Variants in TEAD1 observed in about 807,000 individuals in gnomAD.
The protein encoded by TEAD1 is TEA domain transcription factor 1.
In TEAD1, 9 loss-of-function variants were observed where a neutral mutation model predicts 54.9. The ratio of observed to expected loss-of-function variants is 0.16; its 90% CI spans 0.10 to 0.29. The LOEUF (loss-of-function observed/expected upper bound fraction) is 0.29, where lower values mean the gene tolerates loss of function less well. Ranked by LOEUF, TEAD1 falls within the 10% of genes least tolerant of loss-of-function variation. TEAD1 has a pLI of 1.00. For missense variants in TEAD1, 387 were observed against 535.9 expected, an observed-to-expected ratio of 0.72 and a Z score of 2.74; for synonymous variants, 200 against 187.8, an observed-to-expected ratio of 1.07 and a Z score of -0.53.
chr11:12,828,770 T>A (rs1162235177), intron 3 of TEAD1, among the ~76,000 whole-genome samples: 1 of 146,032 alleles, frequency 6.8e-6, no homozygotes, highest in African/African-American at 2.5e-5. Flanking sequence ...CAGCATGGAG[T>A]CCTTGTTTCT....
intron 2 of TEAD1, among the ~76,000 whole-genome samples, chr11:12,694,010 CTG>C (rs1196366458): frequency 6.6e-6 from 1 of 152,194 alleles, no homozygotes; most frequent in Non-Finnish European, 1.5e-5. Context: ...TTTACTGAAA[CTG>C]TTTATAATTT....
At chr11:12,789,210 G>C (rs1169476778) in intron 3 of TEAD1, among the ~76,000 whole-genome samples, 1 of 152,188 alleles carries the variant, frequency 6.6e-6, no homozygotes, top group African/African-American at 2.4e-5. Context: ...AGTCTCCTCT[G>C]TAAAATGGGG....
chr11:12,894,709 C>T (rs1948273894), intron 9 of TEAD1, among the ~76,000 whole-genome samples: 1 of 152,186 alleles, frequency 6.6e-6, no homozygotes, highest in African/African-American at 2.4e-5. Context: ...CTGAAACTTT[C>T]CCTGTCTTCA....
intron 3 of TEAD1, among the ~76,000 whole-genome samples, chr11:12,799,656 C>A (rs904651821): frequency 2.0e-5 from 3 of 152,190 alleles, no homozygotes; most frequent in Admixed American, 6.5e-5. Flanking sequence ...AAGTAAGTGG[C>A]TTAGAGAGGT....
chr11:12,909,108 GTTC>G (rs1173435379), intron 10 of TEAD1, among the ~76,000 whole-genome samples: 5 of 152,118 alleles, frequency 3.3e-5, no homozygotes, highest in East Asian at 3.9e-4. Flanking sequence ...TGTTATTTGA[GTTC>G]TTCTACATCT....
chr11:12,923,414 C>A (rs1948849055), intron 10 of TEAD1, among the ~76,000 whole-genome samples: 2 of 152,132 alleles, frequency 1.3e-5, no homozygotes, highest in Admixed American at 1.3e-4. Context: ...GTGCTCGTGT[C>A]CCCCCGTACC....
intron 3 of TEAD1, among the ~76,000 whole-genome samples, chr11:12,835,949 G>C (rs969120262): frequency 4.6e-5 from 7 of 152,086 alleles, no homozygotes; most frequent in African/African-American, 1.7e-4. Flanking sequence ...ATAATGTGGC[G>C]TATATTTCAA....
intron 3 of TEAD1, among the ~76,000 whole-genome samples, chr11:12,790,952 G>A (rs991794666): frequency 6.6e-6 from 1 of 152,198 alleles, no homozygotes; most frequent in Non-Finnish European, 1.5e-5. Context: ...CAGCCTGGCA[G>A]TTCCTCAAAA....
At chr11:12,887,190 A>G (rs1451053351) in intron 9 of TEAD1, among the ~76,000 whole-genome samples, 2 of 145,826 alleles carry the variant, frequency 1.4e-5, no homozygotes, top group African/African-American at 5.2e-5. Context: ...TCCGCCTCCC[A>G]GGTTCACTCC....
At chr11:12,780,346 C>T (rs113967138) in intron 3 of TEAD1, among the ~76,000 whole-genome samples, 2,460 of 151,248 alleles carry the variant, frequency 0.016, 73 homozygotes, top group African/African-American at 0.057. Flanking sequence ...CAGGTTCAAG[C>T]GATTCTCCTG....
chr11:12,916,131 A>G (rs1948708050), intron 10 of TEAD1, among the ~76,000 whole-genome samples: 1 of 152,170 alleles, frequency 6.6e-6, no homozygotes, highest in Admixed American at 6.6e-5. Flanking sequence ...AATTCACTCA[A>G]CACACGTGTT....
intron 2 of TEAD1, among the ~76,000 whole-genome samples, chr11:12,690,835 G>A (rs1378224149): frequency 1.3e-5 from 2 of 152,152 alleles, no homozygotes; most frequent in Admixed American, 6.5e-5. Context: ...CCGGCTTGCC[G>A]TAGCCTTGAC....
rs1210314788 is a variant in TEAD1 at position 12,922,417 on chromosome 11, C to T, written c.874-2495C>T. 2 of 49,688 alleles carry T rather than the reference C, an allele frequency of 4.0e-5. 1 individual carries two copies. Among genetic ancestry groups the T allele is most frequent in the African/African-American group, 1.5e-4 (2 of 12,970 alleles). The allele number at this position is 49,688 out of a possible 1,614,324, so 3.1% of individuals were successfully genotyped here. A position where few individuals can be genotyped will look rare whatever the true frequency, so the allele number is the denominator to read the frequency against. On this transcript the variant is annotated intron_variant, in intron 10 of 12. Coordinates refer to ENST00000527636, the MANE Select transcript of TEAD1 (RefSeq NM_021961.6). Reference sequence around the variant, plus strand: ...TTCACCGTTTTAGCCGGGATGGTCTCGATCTCCTGACCTTGTGATCCGCCC... The same window carrying T: ...TTCACCGTTTTAGCCGGGATGGTCTTGATCTCCTGACCTTGTGATCCGCCC...
intron 10 of TEAD1, among the ~76,000 whole-genome samples, chr11:12,904,502 C>G (rs1948483225): frequency 6.6e-6 from 1 of 152,156 alleles, no homozygotes. Flanking sequence ...TGGTTTCAGA[C>G]TCCATATTCC....
chr11:12,913,583 CAG>C (rs1948656306), intron 10 of TEAD1, among the ~76,000 whole-genome samples: 1 of 151,796 alleles, frequency 6.6e-6, no homozygotes, highest in African/African-American at 2.4e-5. Context: ...GGGTAAGTCT[CAG>C]TTTTTATTCT....
chr11:12,731,322 C>G (rs762926739), intron 2 of TEAD1, among the ~76,000 whole-genome samples: 3 of 152,082 alleles, frequency 2.0e-5, no homozygotes, highest in African/African-American at 2.4e-5. Context: ...TACAGAGAAG[C>G]AAAAACTAAA....
At chr11:12,809,837 C>G (rs536937391) in intron 3 of TEAD1, among the ~76,000 whole-genome samples, 1 of 152,130 alleles carries the variant, frequency 6.6e-6, no homozygotes, top group African/African-American at 2.4e-5. Flanking sequence ...CTTGTATGCT[C>G]CGAGCCCTGT....
intron 2 of TEAD1, among the ~76,000 whole-genome samples, chr11:12,757,232 C>T (rs952747232): frequency 2.6e-5 from 4 of 152,172 alleles, no homozygotes; most frequent in Non-Finnish European, 5.9e-5. Context: ...GTTTGCTTTA[C>T]CATTTGTCAC....
intron 3 of TEAD1, among the ~76,000 whole-genome samples, chr11:12,836,993 T>C (rs966978118): frequency 3.3e-5 from 5 of 152,200 alleles, no homozygotes; most frequent in Non-Finnish European, 7.3e-5. Flanking sequence ...TAAGCGCAAG[T>C]TGATTAATGA....
Sources: allele counts gnomAD v4.1 joint callset (sites outside exome capture counted in the v4.1 genomes callset), GRCh38; gene constraint gnomAD v4.1.1; transcripts MANE v1.5; gene names NCBI Gene and HGNC (gene_info 2026-07-23, HGNC 2026-07-21).